TRIO: variants seen among roughly 807,000 people sequenced by gnomAD.
The protein encoded by TRIO is trio Rho guanine nucleotide exchange factor, also known as triple functional domain protein.
TRIO carries 58 observed loss-of-function variants against 351.9 expected under a neutral mutation model. That is an observed-to-expected ratio of 0.16 (90% CI 0.13 to 0.21). The LOEUF is 0.21. Among genes scored for constraint, TRIO ranks in the 10% least tolerant of loss-of-function variants. The pLI is 1.00. For missense variants in TRIO, 3,201 were observed against 4,027.8 expected (o/e 0.79, Z 5.56); for synonymous variants, 1,758 against 1,595.7 (o/e 1.10, Z -2.42).
chr5:14,506,062 C>T (rs113234273), intron 55 of TRIO, among the ~76,000 whole-genome samples: 48 of 152,292 alleles, frequency 3.2e-4, no homozygotes, highest in African/African-American at 1.1e-3. Flanking sequence ...ACATCCAAGC[C>T]GAGGCCTGGC....
chr5:14,425,246 T>G (rs1750547585), intron 34 of TRIO, among the ~76,000 whole-genome samples: 1 of 152,232 alleles, frequency 6.6e-6, no homozygotes, highest in Admixed American at 6.5e-5. Flanking sequence ...TCCCAGCCCC[T>G]GGCACTGCCC....
At chr5:14,282,142 A>G (rs548047061) in intron 3 of TRIO, among the ~76,000 whole-genome samples, 3 of 152,330 alleles carry the variant, frequency 2.0e-5, no homozygotes, top group Non-Finnish European at 4.4e-5. Flanking sequence ...TATCTGGAGT[A>G]AGTTTTCCCT....
At chr5:14,474,523 T>C (rs2126567420) in intron 40 of TRIO, among the ~76,000 whole-genome samples, 1 of 152,268 alleles carries the variant, frequency 6.6e-6, no homozygotes, top group South Asian at 2.1e-4. Flanking sequence ...GTGACTGAGT[T>C]AATACTTTTA....
At chr5:14,475,567 TTTTCA>T (rs1265160943) in intron 40 of TRIO, among the ~76,000 whole-genome samples, 1 of 152,230 alleles carries the variant, frequency 6.6e-6, no homozygotes, top group African/African-American at 2.4e-5. Context: ...GAGGTCTTTA[TTTTCA>T]TATCCCCTGT....
At chr5:14,345,993 T>C (rs1007633526) in intron 11 of TRIO, among the ~76,000 whole-genome samples, 1 of 152,388 alleles carries the variant, frequency 6.6e-6, no homozygotes, top group South Asian at 2.1e-4. Flanking sequence ...TATTTTCGTA[T>C]GTATTTCTGA....
intron 31 of TRIO, among the ~76,000 whole-genome samples, chr5:14,404,902 G>C (rs144264713): frequency 1.1e-3 from 160 of 152,304 alleles, no homozygotes; most frequent in Middle Eastern, 3.4e-3. Context: ...AGGATACACA[G>C]TGAGAAATGC....
At chr5:14,163,012 TTTTAC>T (rs1211581550) in intron 1 of TRIO, among the ~76,000 whole-genome samples, 2 of 152,132 alleles carry the variant, frequency 1.3e-5, no homozygotes, top group African/African-American at 4.8e-5. Flanking sequence ...GTTTTTTAAA[TTTTAC>T]TTTAAGTTCT....
chr5:14,146,899 G>A (rs1400962336), intron 1 of TRIO, among the ~76,000 whole-genome samples: 1 of 152,142 alleles, frequency 6.6e-6, no homozygotes, highest in Non-Finnish European at 1.5e-5. Context: ...CTGTCATTCC[G>A]TTCTCTGCTC....
At chr5:14,264,421 T>C (rs1795529467) in intron 1 of TRIO, among the ~76,000 whole-genome samples, 1 of 152,214 alleles carries the variant, frequency 6.6e-6, no homozygotes, top group Non-Finnish European at 1.5e-5. Flanking sequence ...TGCTGTATTA[T>C]GAAACCCGTC....
In TRIO at chr5:14,222,161, A is replaced by G. The variant is rs149630581; in HGVS notation, c.158-48664A>G. Among the ~76,000 whole-genome samples the G allele has an allele frequency of 4.2e-3, 627 of 150,890 alleles. 6 individuals are homozygous for G. Among genetic ancestry groups the G allele is most frequent in the African/African-American group, 0.014 (587 of 41,240 alleles). On this transcript the variant is annotated intron_variant, in intron 1 of 56. Coordinates refer to ENST00000344204, the MANE Select transcript of TRIO (RefSeq NM_007118.4). ...TCTTTTCTTTTTTTTTTTTTTAGCAATAAAGTATTTTTAAATTAAGGTGTG... is the reference window on the plus strand; with the variant it reads ...TCTTTTCTTTTTTTTTTTTTTAGCAGTAAAGTATTTTTAAATTAAGGTGTG...
chr5:14,483,935 C>T (rs929574393), intron 46 of TRIO, among the ~76,000 whole-genome samples: 12 of 151,946 alleles, frequency 7.9e-5, no homozygotes, highest in Admixed American at 3.9e-4. Context: ...TGCACCCATA[C>T]GCTGAACTGC....
Position 14,406,257 on chromosome 5 carries a change from C to T in TRIO, c.4859+267C>T. On this transcript the variant is annotated intron_variant, in intron 32 of 56. Transcript: ENST00000344204. Reference sequence around the variant, plus strand: ...CCCGAGCACCATACAGGGCACATGTCTAACTCATGCACATGACCTTGGATA... The same window carrying T: ...CCCGAGCACCATACAGGGCACATGTTTAACTCATGCACATGACCTTGGATA... The T allele has an allele frequency of 8.7e-6, 5 of 571,928 alleles. No individual in the cohort carries two copies. The South Asian group carries it at 1.1e-4, about 12-fold the overall frequency. 35.4% of individuals were successfully genotyped at this position (571,928 alleles called of 1,614,324 possible). A position where few individuals can be genotyped will look rare whatever the true frequency, so the allele number is the denominator to read the frequency against.
At chr5:14,237,430 C>A (rs886651110) in intron 1 of TRIO, among the ~76,000 whole-genome samples, 3 of 152,122 alleles carry the variant, frequency 2.0e-5, no homozygotes, top group East Asian at 1.9e-4. Flanking sequence ...TTGTGAGTGT[C>A]GTGTGATGGG....
rs139268252 is a variant in TRIO at position 14,504,473 on chromosome 5, T to C, written c.8492T>C (p.Leu2831Ser). 1.2e-6 allele frequency: 2 copies of C among 1,614,028 alleles called. No individual in the cohort carries two copies. The highest frequency in any genetic ancestry group is 2.7e-5 in the African/African-American group (2 of 74,968). ...GCCACTAAGTTTGTGAACAAGAAGT[T>C]GATGAAGCGCGACCAGGTCACCCAT... is the stretch of plus-strand genomic sequence containing the variant. ...AVATKFVNKK[L>S]MKRDQVTHEL... Residue 2831 changes from leucine (L) to serine (S), a missense_variant, in exon 55 of 57, where the codon TTG becomes TCG. By Grantham distance (145) the Leu-to-Ser change is moderately radical. Around this residue, in one of 19 missense-constraint regions of TRIO, gnomAD observed 1,089 missense variants for 954.9 expected, o/e 1.14. Coordinates refer to ENST00000344204, the MANE Select transcript of TRIO (RefSeq NM_007118.4).
intron 31 of TRIO, among the ~76,000 whole-genome samples, chr5:14,403,219 TG>T (rs1748279512): frequency 1.9e-5 from 1 of 51,676 alleles, no homozygotes; most frequent in African/African-American, 8.3e-5. Flanking sequence ...GGGTGCAGGT[TG>T]TGGTGAGGGT....
At chr5:14,300,518 A>G (rs1737785364) in intron 7 of TRIO, among the ~76,000 whole-genome samples, 1 of 152,262 alleles carries the variant, frequency 6.6e-6, no homozygotes, top group Non-Finnish European at 1.5e-5. Flanking sequence ...GCTTACCTGC[A>G]GAGTGAACCA....
intron 1 of TRIO, among the ~76,000 whole-genome samples, chr5:14,227,471 T>C (rs1161572328): frequency 6.6e-6 from 1 of 152,262 alleles, no homozygotes; most frequent in Non-Finnish European, 1.5e-5. Flanking sequence ...CGATCAGTTT[T>C]ACTAAGTGGC....
intron 13 of TRIO, among the ~76,000 whole-genome samples, chr5:14,362,311 G>A (rs890540761): frequency 6.6e-6 from 1 of 152,150 alleles, no homozygotes; most frequent in South Asian, 2.1e-4. Flanking sequence ...TAAAAGATGA[G>A]GCCATTTTCT....
intron 11 of TRIO, among the ~76,000 whole-genome samples, chr5:14,353,845 C>G (rs976844743): frequency 6.6e-6 from 1 of 152,184 alleles, no homozygotes; most frequent in Non-Finnish European, 1.5e-5. Context: ...ATCGTGCATC[C>G]GGCCAGTTCT....
Sources: gnomAD v4.1 joint callset for allele counts (sites outside exome capture counted in the v4.1 genomes callset) on GRCh38, gnomAD v4.1.1 for gene constraint, gnomAD v4.1.1 regional missense constraint, MANE v1.5 for transcripts, NCBI Gene and HGNC (gene_info 2026-07-23, HGNC 2026-07-21) for gene names.